The following FAM13C variants were observed in gnomAD, a reference collection of about 807,000 sequenced individuals.
FAM13C encodes the protein family with sequence similarity 13 member C.
FAM13C carries 37 observed loss-of-function variants against 73.2 expected under a neutral mutation model. The observed-to-expected ratio is 0.51, with a 90% CI of 0.39 to 0.67. The LOEUF is 0.67. Ranked by LOEUF, FAM13C falls within the 30% of genes least tolerant of loss-of-function variation. FAM13C has a pLI of 0.00. For synonymous variants in FAM13C, 246 were observed against 260.9 expected (o/e 0.94, Z 0.55); for missense variants, 589 against 715.6 (o/e 0.82, Z 2.02).
In FAM13C at chr10:59,247,428, C is replaced by T. The variant is rs992555204; in HGVS notation, c.*186G>A. On this transcript the variant is annotated 3_prime_UTR_variant, in exon 14 of 14. Coordinates refer to ENST00000618804, the MANE Select transcript of FAM13C (RefSeq NM_198215.4). ...CAATTATATGGCTACCTGTTGTATTCTTCCCCCCGTTTAAATCCCTTCTCC... is the reference window on the plus strand; with the variant it reads ...CAATTATATGGCTACCTGTTGTATTTTTCCCCCCGTTTAAATCCCTTCTCC... 116 of 652,060 alleles carry T rather than the reference C, an allele frequency of 1.8e-4. No homozygotes were observed. The highest frequency in any genetic ancestry group is 2.7e-4 in the Non-Finnish European group (105 of 393,364). 40.4% of individuals were successfully genotyped at this position (652,060 alleles called of 1,614,324 possible). A position where few individuals can be genotyped will look rare whatever the true frequency, so the allele number is the denominator to read the frequency against.
At chr10:59,290,066 GAA>G (rs1846044034) in intron 5 of FAM13C, among the ~76,000 whole-genome samples, 1 of 152,224 alleles carries the variant, frequency 6.6e-6, no homozygotes, top group African/African-American at 2.4e-5. Context: ...AGAAGTCTGT[GAA>G]ACGTAGGTGT....
chr10:59,302,118 C>T (rs551816314), intron 5 of FAM13C, among the ~76,000 whole-genome samples: 110 of 152,256 alleles, frequency 7.2e-4, no homozygotes, highest in Admixed American at 1.3e-3. Flanking sequence ...TAAATACCAC[C>T]TACTACTACT....
At chr10:59,317,894 C>G (rs1449993600) in intron 4 of FAM13C, among the ~76,000 whole-genome samples, 2 of 151,936 alleles carry the variant, frequency 1.3e-5, no homozygotes, top group Non-Finnish European at 1.5e-5. Context: ...TCCCTCCCCC[C>G]TTCCCCCACC....
chr10:59,283,564 A>G, intron 5 of FAM13C, 117 bp from the exon 6 acceptor site: 2 of 984,452 alleles, frequency 2.0e-6, no homozygotes, highest in Non-Finnish European at 3.3e-6. Context: ...AACACACAAC[A>G]GTGTGTCCGC....
chr10:59,312,971 C>A (rs928540524), intron 4 of FAM13C, among the ~76,000 whole-genome samples: 1 of 152,194 alleles, frequency 6.6e-6, no homozygotes, highest in Non-Finnish European at 1.5e-5. Context: ...CAGCATTTTT[C>A]ATCTCCAATC....
chr10:59,253,118 C>A, intron 11 of FAM13C, 120 bp from the exon 12 acceptor site: 1 of 931,532 alleles, frequency 1.1e-6, no homozygotes, highest in Non-Finnish European at 1.7e-6. Context: ...GACCCATGTG[C>A]CTACTGAGAA....
At chr10:59,335,320 G>A (rs963792618) in intron 3 of FAM13C, among the ~76,000 whole-genome samples, 1 of 152,064 alleles carries the variant, frequency 6.6e-6, no homozygotes, top group Non-Finnish European at 1.5e-5. Flanking sequence ...GTTTTTATGT[G>A]GACTTGGGAA....
At chr10:59,352,248 C>A in intron 3 of FAM13C, 22 bp downstream of exon 3, 1 of 1,612,476 alleles carries the variant, frequency 6.2e-7, no homozygotes, top group Non-Finnish European at 8.5e-7. Flanking sequence ...TTGGCAAAAG[C>A]CTGAGAAGAG....
intron 4 of FAM13C, among the ~76,000 whole-genome samples, chr10:59,311,911 C>G (rs1196038396): frequency 6.6e-6 from 1 of 152,108 alleles, no homozygotes; most frequent in Non-Finnish European, 1.5e-5. Context: ...TTCCTGGGAC[C>G]ACCTTCCTGT....
chr10:59,252,580 G>T (rs551010473), intron 12 of FAM13C, among the ~76,000 whole-genome samples: 1 of 152,004 alleles, frequency 6.6e-6, no homozygotes. Flanking sequence ...TATCTGAAGG[G>T]CTATTTAAGA....
At chr10:59,363,102 A>G (rs1304662949), upstream of FAM13C, 1 of 155,432 alleles carries the variant, frequency 6.4e-6, no homozygotes, top group Non-Finnish European at 1.4e-5. Flanking sequence ...GGCTGGCTGC[A>G]TCACACCTGA....
intron 3 of FAM13C, among the ~76,000 whole-genome samples, chr10:59,326,058 T>C (rs1018742401): frequency 6.6e-6 from 1 of 151,866 alleles, no homozygotes; most frequent in Non-Finnish European, 1.5e-5. Flanking sequence ...TTTTTGAAAA[T>C]AGTATTTTAT....
At chr10:59,252,688 G>A in intron 12 of FAM13C, 111 bp downstream of exon 12, 1 of 1,025,134 alleles carries the variant, frequency 9.8e-7, no homozygotes, top group Non-Finnish European at 1.5e-6. Context: ...CCTGAGAACT[G>A]TTGACCCACC....
chr10:59,250,275 A>G (rs1237145270), intron 13 of FAM13C, among the ~76,000 whole-genome samples: 4 of 152,200 alleles, frequency 2.6e-5, no homozygotes, highest in Admixed American at 2.0e-4. Flanking sequence ...AATATTTTAC[A>G]AGGAAAGTTA....
chr10:59,328,961 C>T (rs1184155094), intron 3 of FAM13C, among the ~76,000 whole-genome samples: 1 of 152,190 alleles, frequency 6.6e-6, no homozygotes, highest in Non-Finnish European at 1.5e-5. Flanking sequence ...TTAACCTTCA[C>T]ATATCTGTGA....
intron 6 of FAM13C, among the ~76,000 whole-genome samples, chr10:59,281,094 CT>C: frequency 1.3e-5 from 2 of 152,220 alleles, no homozygotes; most frequent in Middle Eastern, 6.8e-3. Flanking sequence ...AGAGATAATG[CT>C]AGATGTTAAG....
intron 3 of FAM13C, among the ~76,000 whole-genome samples, chr10:59,330,716 G>C (rs778539482): frequency 1.3e-5 from 2 of 152,136 alleles, no homozygotes; most frequent in Non-Finnish European, 2.9e-5. Context: ...GCCCCACTGA[G>C]GAGTTAGGCC....
Position 59,265,937 on chromosome 10 carries a change from A to T in FAM13C, c.943-1771T>A, listed in dbSNP as rs184822289. Among the ~76,000 whole-genome samples, 132 of 152,314 alleles carry T rather than the reference A, an allele frequency of 8.7e-4. 3 individuals are homozygous for T. The highest frequency in any genetic ancestry group is 1.3e-3 in the Non-Finnish European group (91 of 68,026). ...TCAAAAGACCCCAAACGTCATACAC[A>T]CGGAAATTACATAGGTTTAGATTTT... On this transcript the variant is annotated intron_variant, in intron 8 of 13. Coordinates refer to ENST00000618804, the MANE Select transcript of FAM13C (RefSeq NM_198215.4).
chr10:59,251,120 T>G (rs1186454271), intron 13 of FAM13C: 1 of 174,740 alleles, frequency 5.7e-6, no homozygotes, highest in African/African-American at 2.4e-5. Context: ...TGATCGACTC[T>G]TGAAATAAAA....
Sources: allele counts gnomAD v4.1 joint callset (sites outside exome capture counted in the v4.1 genomes callset), GRCh38; gene constraint gnomAD v4.1.1; transcripts MANE v1.5; gene names NCBI Gene and HGNC (gene_info 2026-07-23, HGNC 2026-07-21).